BFAR: variants seen among roughly 807,000 people sequenced by gnomAD.
The protein encoded by BFAR is RING finger protein 47.
In BFAR, 52 loss-of-function variants were observed where a neutral mutation model predicts 54.4. That is an observed-to-expected ratio of 0.96 (90% CI 0.77 to 1.21). The LOEUF (loss-of-function observed/expected upper bound fraction) is 1.21, where lower values mean the gene tolerates loss of function less well. Ranked by LOEUF, BFAR falls within the 50% of genes most tolerant of loss-of-function variation. The pLI is 0.00. For missense variants in BFAR, 571 were observed against 534.0 expected, an observed-to-expected ratio of 1.07 and a Z score of -0.68; for synonymous variants, 215 against 204.3, an observed-to-expected ratio of 1.05 and a Z score of -0.45.
At chr16:14,637,041 T>C (rs1014024365) in intron 1 of BFAR, among the ~76,000 whole-genome samples, 2 of 151,986 alleles carry the variant, frequency 1.3e-5, no homozygotes, top group Non-Finnish European at 2.9e-5. Context: ...CAAAATGGAG[T>C]CTCCTATGTC....
At chr16:14,645,444 G>A (rs768856247) in intron 2 of BFAR, among the ~76,000 whole-genome samples, 42 of 152,298 alleles carry the variant, frequency 2.8e-4, no homozygotes, top group South Asian at 4.1e-4. Flanking sequence ...TTTCTCATGT[G>A]TAGCATCACA....
chr16:14,656,316 A>G (rs759554353), intron 5 of BFAR, among the ~76,000 whole-genome samples: 1 of 152,160 alleles, frequency 6.6e-6, no homozygotes, highest in Non-Finnish European at 1.5e-5. Context: ...TGCTTAGCTC[A>G]GGAGTTCAAG....
At chr16:14,657,130 C>T (rs1210992528) in intron 5 of BFAR, among the ~76,000 whole-genome samples, 1 of 152,018 alleles carries the variant, frequency 6.6e-6, no homozygotes, top group African/African-American at 2.4e-5. Context: ...AAAAATGCTT[C>T]TGTAATATGT....
intron 1 of BFAR, 51 bp from the exon 2 acceptor site, chr16:14,644,223 C>T: frequency 3.0e-6 from 3 of 1,008,044 alleles, no homozygotes; most frequent in Non-Finnish European, 4.4e-6. Flanking sequence ...ATTAACTGCT[C>T]TTCAAACAAC....
At chr16:14,663,276 C>G (rs1446049647) in intron 6 of BFAR, among the ~76,000 whole-genome samples, 3 of 152,176 alleles carry the variant, frequency 2.0e-5, no homozygotes, top group African/African-American at 7.2e-5. Flanking sequence ...GCCACTGCAC[C>G]TGGCACCCAG....
Position 14,669,010 on chromosome 16 carries a change from T to A in BFAR, c.*1183T>A, listed in dbSNP as rs1226290401. 1 of 452,654 alleles carries A rather than the reference T, an allele frequency of 2.2e-6. No homozygotes were observed. The highest frequency in any genetic ancestry group is 2.0e-5 in the African/African-American group (1 of 49,960). The allele number at this position is 452,654 out of a possible 1,614,324, so 28.0% of individuals were successfully genotyped here. A position where few individuals can be genotyped will look rare whatever the true frequency, so the allele number is the denominator to read the frequency against. ...GTTATAAATATGGCATGAAGTGAAC[T>A]ATGGCCTTTTATTTCCTTCCAGTGT... On this transcript the variant is annotated 3_prime_UTR_variant, in exon 8 of 8. Coordinates refer to ENST00000261658, the MANE Select transcript of BFAR (RefSeq NM_016561.3).
chr16:14,641,958 T>G (rs1959641978), intron 1 of BFAR, among the ~76,000 whole-genome samples: 1 of 152,226 alleles, frequency 6.6e-6, no homozygotes, highest in African/African-American at 2.4e-5. Context: ...ATTCTCTTCT[T>G]TAATGCTGCA....
At chr16:14,646,095 A>G (rs1959786612) in intron 2 of BFAR, among the ~76,000 whole-genome samples, 1 of 152,058 alleles carries the variant, frequency 6.6e-6, no homozygotes, top group Non-Finnish European at 1.5e-5. Flanking sequence ...CTTGTTTCCT[A>G]GGCTGGAGTG....
At chr16:14,659,454 G>A (rs1160135068) in intron 5 of BFAR, among the ~76,000 whole-genome samples, 2 of 151,316 alleles carry the variant, frequency 1.3e-5, no homozygotes, top group African/African-American at 2.4e-5. Context: ...ATGTTGGTCA[G>A]GCTGGTCTCG....
rs774393097 is a variant in BFAR, at chr16:14,661,392, CTTTTTTTTTTT to C, written c.784-483_784-473del. 4.3e-4 allele frequency among the ~76,000 whole-genome samples: 28 copies of C among 65,102 alleles called. 2 individuals carry two copies. The highest frequency in any genetic ancestry group is 1.3e-3 in the African/African-American group (24 of 18,356). 42.7% of individuals were successfully genotyped at this position (65,102 alleles called of 152,430 possible). A position where few individuals can be genotyped will look rare whatever the true frequency, so the allele number is the denominator to read the frequency against. ...CCCCAGCTAGAGCTAGAGATTGGAT[CTTTTTTTTTTT>C]TTTTTTTTTTTTTTTTGAGCTGGAA... is the stretch of plus-strand genomic sequence containing the variant. On this transcript the variant is annotated intron_variant, in intron 5 of 7. Transcript: ENST00000261658.
intron 5 of BFAR, 56 bp downstream of exon 5, chr16:14,655,266 AT>A (rs1183339060): frequency 5.1e-5 from 58 of 1,145,606 alleles, no homozygotes; most frequent in Admixed American, 1.2e-4. Context: ...TTTTTTGTTA[AT>A]TTTTTTTAAT....
chr16:14,646,368 A>G (rs1441743632), intron 2 of BFAR, among the ~76,000 whole-genome samples: 2 of 151,674 alleles, frequency 1.3e-5, no homozygotes, highest in Non-Finnish European at 2.9e-5. Context: ...TTGTATTTTC[A>G]GTAGAGACGG....
intron 4 of BFAR, among the ~76,000 whole-genome samples, chr16:14,652,542 A>C (rs1342877239): frequency 6.6e-6 from 1 of 152,102 alleles, no homozygotes; most frequent in Non-Finnish European, 1.5e-5. Flanking sequence ...CGGCCTCCCA[A>C]AGTGCTAGGA....
chr16:14,664,845 T>G, intron 6 of BFAR, 24 bp from the exon 7 acceptor site: 1 of 1,599,414 alleles, frequency 6.3e-7, no homozygotes. Flanking sequence ...CATGACTTTT[T>G]GCGTCTGTGT....
intron 5 of BFAR, among the ~76,000 whole-genome samples, chr16:14,659,227 T>TTTTTTTGTTTTTTTTTG (rs997947050): frequency 1.3e-5 from 2 of 148,550 alleles, no homozygotes; most frequent in Non-Finnish European, 3.0e-5. Flanking sequence ...GCAATTTGGT[T>TTTTTTTGTTTTTTTTTG]TTTTTTGTTT....
intron 2 of BFAR, among the ~76,000 whole-genome samples, chr16:14,647,333 C>T (rs1959829595): frequency 2.0e-5 from 3 of 151,968 alleles, no homozygotes; most frequent in Non-Finnish European, 4.4e-5. Context: ...GATCTGCCCA[C>T]CTCGGCCTCC....
rs547361112 is a variant in BFAR, at chr16:14,660,584, C to CTT, written c.784-1292_784-1291dup. Among the ~76,000 whole-genome samples, 93 of 117,402 alleles carry CTT rather than the reference C, an allele frequency of 7.9e-4. 3 individuals are homozygous for CTT. In the South Asian group the frequency reaches 0.011, roughly 14 times the overall value. 77.0% of individuals were successfully genotyped at this position (117,402 alleles called of 152,430 possible). ...ACAGGTGTGAGCCACCGCACTCGGC[C>CTT]TTTTTTTTTTTTTTTTTAAAGAAAC... is the stretch of plus-strand genomic sequence containing the variant. On this transcript the variant is annotated intron_variant, in intron 5 of 7. Coordinates refer to ENST00000261658, the MANE Select transcript of BFAR (RefSeq NM_016561.3).
intron 7 of BFAR, 34 bp from the exon 8 acceptor site, chr16:14,667,601 G>T (rs372885375): frequency 1.9e-6 from 3 of 1,590,058 alleles, no homozygotes; most frequent in Non-Finnish European, 8.6e-7. Flanking sequence ...CATGAGAAGC[G>T]CCTCCGATTC....
chr16:14,660,752 T>C (rs1450637933), intron 5 of BFAR, among the ~76,000 whole-genome samples: 1 of 150,464 alleles, frequency 6.6e-6, no homozygotes, highest in East Asian at 2.1e-4. Context: ...AATACAAAAA[T>C]TAGCCAGGCG....
Sources: gnomAD v4.1 joint callset for allele counts (sites outside exome capture counted in the v4.1 genomes callset) on GRCh38, gnomAD v4.1.1 for gene constraint, MANE v1.5 for transcripts, NCBI Gene and HGNC (gene_info 2026-07-23, HGNC 2026-07-21) for gene names.